Variants in DPYD observed in about 807,000 individuals in gnomAD.
The protein encoded by DPYD is dihydropyrimidine dehydrogenase, also known as dihydropyrimidine dehydrogenase [NADP(+)].
A neutral mutation model predicts 116.2 loss-of-function variants in DPYD; 109 were observed. The observed-to-expected ratio is 0.94, with a 90% CI of 0.80 to 1.10. The LOEUF (loss-of-function observed/expected upper bound fraction) is 1.10, where lower values mean the gene tolerates loss of function less well. Ranked by LOEUF, DPYD falls within the 50% of genes least tolerant of loss-of-function variation. DPYD has a pLI of 0.00. For synonymous variants in DPYD, 440 were observed against 432.0 expected (o/e 1.02, Z -0.23); for missense variants, 1,302 against 1,254.5 (o/e 1.04, Z -0.57).
intron 1 of DPYD, among the ~76,000 whole-genome samples, chr1:97,914,852 G>T: frequency 6.6e-6 from 1 of 152,036 alleles, no homozygotes; most frequent in Non-Finnish European, 1.5e-5. Context: ...ATAGATATAT[G>T]CAACATTTAT....
chr1:97,852,591 T>G (rs1424011496), intron 2 of DPYD, among the ~76,000 whole-genome samples: 3 of 152,126 alleles, frequency 2.0e-5, no homozygotes, highest in Admixed American at 1.3e-4. Flanking sequence ...CACTGCATTT[T>G]TATCAGTGAT....
At chr1:97,639,075 T>C (rs972131887) in intron 8 of DPYD, among the ~76,000 whole-genome samples, 1 of 152,126 alleles carries the variant, frequency 6.6e-6, no homozygotes, top group African/African-American at 2.4e-5. Flanking sequence ...GTAAGGCAAA[T>C]CTTCTTTGTA....
At chr1:97,681,273 G>A (rs572449783) in intron 7 of DPYD, among the ~76,000 whole-genome samples, 1 of 152,250 alleles carries the variant, frequency 6.6e-6, no homozygotes, top group Non-Finnish European at 1.5e-5. Flanking sequence ...AGAGGGCAGA[G>A]CTGGCACCAT....
chr1:97,143,394 C>G (rs1324490151), intron 20 of DPYD, among the ~76,000 whole-genome samples: 1 of 152,096 alleles, frequency 6.6e-6, no homozygotes, highest in Non-Finnish European at 1.5e-5. Flanking sequence ...ATTTGAACTT[C>G]TAAGTGAATT....
At chr1:97,885,069 T>C (rs1672412753) in intron 1 of DPYD, among the ~76,000 whole-genome samples, 1 of 152,148 alleles carries the variant, frequency 6.6e-6, no homozygotes, top group Middle Eastern at 3.4e-3. Flanking sequence ...CCAGAGGCTA[T>C]GTGCAACAGT....
intron 1 of DPYD, among the ~76,000 whole-genome samples, chr1:97,898,443 T>C (rs941722125): frequency 2.6e-5 from 4 of 151,958 alleles, no homozygotes; most frequent in African/African-American, 9.7e-5. Flanking sequence ...CTGCAGCCTA[T>C]AAACTCTCTC....
chr1:97,491,105 TATATA>T (rs199537119), intron 13 of DPYD, among the ~76,000 whole-genome samples: 1,703 of 147,882 alleles, frequency 0.012, 33 homozygotes, highest in African/African-American at 0.039. Flanking sequence ...AATTTGTTAA[TATATA>T]ATATATTAAC....
At chr1:97,164,594 T>G (rs1656176373) in intron 20 of DPYD, among the ~76,000 whole-genome samples, 1 of 152,138 alleles carries the variant, frequency 6.6e-6, no homozygotes. Context: ...GAATACAAAA[T>G]TAATGCACAA....
At chr1:97,720,630 T>C in intron 5 of DPYD, 1 of 1,238,808 alleles carries the variant, frequency 8.1e-7, no homozygotes. Flanking sequence ...GCTTGAGGAA[T>C]ATTATGGGAA....
Position 97,373,506 on chromosome 1 carries a change from C to G in DPYD, c.2058+55G>C, listed in dbSNP as rs941363919. 7 of 1,482,556 alleles carry G rather than the reference C, an allele frequency of 4.7e-6. No homozygotes were observed. The Admixed American group carries it at 1.2e-4, about 25-fold the overall frequency. 91.8% of individuals were successfully genotyped at this position (1,482,556 alleles called of 1,614,324 possible). ...GCCTAAGGTATAGTAACTATCCATA[C>G]GGGGGCCTGTTATGTCACACTGACA... On this transcript the variant is annotated intron_variant, in intron 16 of 22. Transcript: ENST00000370192.
chr1:97,359,328 T>C (rs1670593284), intron 16 of DPYD, among the ~76,000 whole-genome samples: 1 of 152,160 alleles, frequency 6.6e-6, no homozygotes, highest in South Asian at 2.1e-4. Flanking sequence ...CAAATCTACA[T>C]TTGATTGGTG....
At chr1:97,823,881 T>C (rs1669095142) in intron 3 of DPYD, among the ~76,000 whole-genome samples, 1 of 149,592 alleles carries the variant, frequency 6.7e-6, no homozygotes, top group Non-Finnish European at 1.5e-5. Context: ...TTTTTTTTTT[T>C]TTTTTTGTCC....
intron 4 of DPYD, among the ~76,000 whole-genome samples, chr1:97,728,285 G>C (rs1455776038): frequency 1.3e-5 from 2 of 152,032 alleles, no homozygotes; most frequent in Admixed American, 6.6e-5. Flanking sequence ...TTTTCTATTA[G>C]TCCTTGGGGT....
intron 16 of DPYD, among the ~76,000 whole-genome samples, chr1:97,314,280 C>T (rs1411390280): frequency 6.6e-6 from 1 of 151,784 alleles, no homozygotes. Context: ...AGTCTTTAGT[C>T]CCTGGGACCT....
At chr1:97,718,505 A>G (rs1662742095) in intron 5 of DPYD, among the ~76,000 whole-genome samples, 1 of 151,998 alleles carries the variant, frequency 6.6e-6, no homozygotes, top group African/African-American at 2.4e-5. Context: ...CAATATCATA[A>G]TCCAGTATAT....
chr1:97,197,257 C>A (rs564871561), intron 19 of DPYD, among the ~76,000 whole-genome samples: 4 of 152,182 alleles, frequency 2.6e-5, no homozygotes, highest in African/African-American at 9.6e-5. Flanking sequence ...TAAGGAACAT[C>A]ATTATCATTT....
chr1:97,489,348 G>A (rs2101899949), intron 13 of DPYD, among the ~76,000 whole-genome samples: 1 of 152,290 alleles, frequency 6.6e-6, no homozygotes, highest in Middle Eastern at 3.4e-3. Flanking sequence ...AATAAAGGTA[G>A]GAAAATGTTG....
intron 6 of DPYD, among the ~76,000 whole-genome samples, chr1:97,697,942 A>G (rs1661395291): frequency 1.3e-5 from 2 of 152,036 alleles, no homozygotes; most frequent in Admixed American, 6.5e-5. Context: ...ATTGACTCAG[A>G]TATTCACTGA....
chr1:97,532,918 T>TGTTG (rs66708355), intron 12 of DPYD, among the ~76,000 whole-genome samples: 1 of 142,668 alleles, frequency 7.0e-6, no homozygotes, highest in Non-Finnish European at 1.5e-5. Flanking sequence ...GTTGTTTTTT[T>TGTTG]TTTTTGTTGT....
Sources: allele counts gnomAD v4.1 joint callset (sites outside exome capture counted in the v4.1 genomes callset), GRCh38; gene constraint gnomAD v4.1.1; transcripts MANE v1.5; gene names NCBI Gene and HGNC (gene_info 2026-07-23, HGNC 2026-07-21).